The following C7orf78 variants were observed in gnomAD, a reference collection of about 807,000 sequenced individuals.
C7orf78 encodes the protein chromosome 7 open reading frame 78.
chr7:12,488,266 C>A, the C7orf78 span, among the ~76,000 whole-genome samples: 4 of 152,044 alleles, frequency 2.6e-5, no homozygotes, highest in Non-Finnish European at 4.4e-5. Flanking sequence ...AAATCTCTAA[C>A]AAGACTATGA....
the C7orf78 span, among the ~76,000 whole-genome samples, chr7:12,516,923 C>A: frequency 6.6e-6 from 1 of 152,122 alleles, no homozygotes; most frequent in Non-Finnish European, 1.5e-5. Context: ...AAGGGAGTTG[C>A]CTTGTCTCAG....
At chr7:12,493,341 G>A in the C7orf78 span, among the ~76,000 whole-genome samples, 1 of 152,182 alleles carries the variant, frequency 6.6e-6, no homozygotes, top group Non-Finnish European at 1.5e-5. Context: ...AGGAATGTGT[G>A]CAATGATTTG....
the C7orf78 span, among the ~76,000 whole-genome samples, chr7:12,490,238 GTAT>G: frequency 6.4e-3 from 968 of 152,208 alleles, 11 homozygotes; most frequent in Middle Eastern, 0.014. Flanking sequence ...CAGCAAGGTT[GTAT>G]TATTACCTGC....
At chr7:12,517,290 C>G in the C7orf78 span, among the ~76,000 whole-genome samples, 1 of 152,110 alleles carries the variant, frequency 6.6e-6, no homozygotes, top group Non-Finnish European at 1.5e-5. Flanking sequence ...TAAGAAGTGC[C>G]TTTCACCTCC....
At chr7:12,497,642 C>G in the C7orf78 span, among the ~76,000 whole-genome samples, 146 of 152,260 alleles carry the variant, frequency 9.6e-4, 1 homozygote, top group East Asian at 0.025. Context: ...TGCAAGGCGG[C>G]AGCGAGGCTG....
chr7:12,530,893 A>C, the C7orf78 span: 7 of 394,248 alleles, frequency 1.8e-5, no homozygotes, highest in African/African-American at 1.4e-4. Context: ...CAAGATGTGA[A>C]TCTGGAATAC....
At chr7:12,495,741 A>G in the C7orf78 span, among the ~76,000 whole-genome samples, 1 of 152,156 alleles carries the variant, frequency 6.6e-6, no homozygotes, top group African/African-American at 2.4e-5. Flanking sequence ...TATCTGTTCT[A>G]TGAAAAAATT....
the C7orf78 span, among the ~76,000 whole-genome samples, chr7:12,514,004 G>T: frequency 0.84 from 127,985 of 151,974 alleles, 54,182 homozygotes; most frequent in African/African-American, 0.93. Flanking sequence ...CGTCTCAAAA[G>T]AAAAAAGAAA....
the C7orf78 span, among the ~76,000 whole-genome samples, chr7:12,524,852 T>A: frequency 6.7e-6 from 1 of 149,726 alleles, no homozygotes; most frequent in Non-Finnish European, 1.5e-5. Flanking sequence ...TAAATAAATA[T>A]TTTACTAATA....
At chr7:12,514,982 T>C in the C7orf78 span, among the ~76,000 whole-genome samples, 1 of 152,216 alleles carries the variant, frequency 6.6e-6, no homozygotes, top group African/African-American at 2.4e-5. Context: ...TGATGAGAAA[T>C]CTGCTCTTAG....
chr7:12,499,501 A>G, the C7orf78 span, among the ~76,000 whole-genome samples: 1 of 148,888 alleles, frequency 6.7e-6, no homozygotes, highest in Non-Finnish European at 1.5e-5. Context: ...ACATAATGGT[A>G]AAGGGATCAA....
chr7:12,514,815 T>A, the C7orf78 span, among the ~76,000 whole-genome samples: 1 of 151,900 alleles, frequency 6.6e-6, no homozygotes, highest in Non-Finnish European at 1.5e-5. Flanking sequence ...ACCAGTCTAG[T>A]GATGATGAAT....
chr7:12,486,587 G>C, the C7orf78 span, among the ~76,000 whole-genome samples: 1 of 151,878 alleles, frequency 6.6e-6, no homozygotes, highest in Non-Finnish European at 1.5e-5. Flanking sequence ...ATTAAACAGT[G>C]ATTTTTTTCC....
the C7orf78 span, among the ~76,000 whole-genome samples, chr7:12,504,126 T>TA: frequency 1.4e-4 from 22 of 152,172 alleles, no homozygotes; most frequent in African/African-American, 4.8e-4. Flanking sequence ...GTCAAACTCA[T>TA]ATCACTTTAT....
chr7:12,484,750 A>G, the C7orf78 span, among the ~76,000 whole-genome samples: 2 of 152,150 alleles, frequency 1.3e-5, 1 homozygote, highest in East Asian at 3.9e-4. Context: ...TTGTACTTTT[A>G]TTAGTACAGC....
At chr7:12,520,059 T>C in the C7orf78 span, among the ~76,000 whole-genome samples, 13,022 of 152,286 alleles carry the variant, frequency 0.086, 852 homozygotes, top group Admixed American at 0.23. Context: ...TGGTTGGGAT[T>C]GCAGCAGTCC....
chr7:12,535,583 T>C, the C7orf78 span, among the ~76,000 whole-genome samples: 1 of 152,226 alleles, frequency 6.6e-6, no homozygotes, highest in Non-Finnish European at 1.5e-5. Flanking sequence ...TCAAAACCAA[T>C]CATGTCTTCC....
At chr7:12,502,596 A>T in the C7orf78 span, among the ~76,000 whole-genome samples, 1 of 151,532 alleles carries the variant, frequency 6.6e-6, no homozygotes, top group African/African-American at 2.4e-5. Flanking sequence ...GGTGCTGGAG[A>T]GGATGTGGAG....
the C7orf78 span, chr7:12,528,984 C>G: frequency 2.5e-6 from 1 of 398,510 alleles, no homozygotes; most frequent in Non-Finnish European, 4.4e-6. Context: ...GTGAATGCAC[C>G]TGGGATTCAA....
Sources: gnomAD v4.1 joint callset for allele counts (sites outside exome capture counted in the v4.1 genomes callset) on GRCh38, gnomAD v4.1.1 for gene constraint, MANE v1.5 for transcripts, NCBI Gene and HGNC (gene_info 2026-07-23, HGNC 2026-07-21) for gene names.